MAMDC2: variants seen among roughly 807,000 people sequenced by gnomAD.
The protein encoded by MAMDC2 is MAM domain-containing protein 2.
A neutral mutation model predicts 89.8 loss-of-function variants in MAMDC2; 57 were observed. The observed-to-expected ratio is 0.63, with a 90% confidence interval of 0.51 to 0.79. MAMDC2 has a LOEUF of 0.79. MAMDC2 is among the 30% of genes least tolerant of loss of function. The pLI, the probability that MAMDC2 is intolerant of heterozygous loss-of-function variation, is 0.00. For synonymous variants in MAMDC2, 313 were observed against 293.4 expected (o/e 1.07, Z -0.68); for missense variants, 800 against 820.6 (o/e 0.97, Z 0.31).
chr9:70,218,729 G>C (rs2033497588), intron 12 of MAMDC2, 133 bp downstream of exon 12: 4 of 1,007,122 alleles, frequency 4.0e-6, no homozygotes, highest in Non-Finnish European at 5.5e-6. Context: ...TTAAGAGGGA[G>C]TAAACATAAT....
chr9:70,057,138 G>T (rs1797864042), intron 2 of MAMDC2, among the ~76,000 whole-genome samples: 1 of 152,100 alleles, frequency 6.6e-6, no homozygotes, highest in South Asian at 2.1e-4. Context: ...TGGGAAAATT[G>T]TCTCCCACAA....
intron 9 of MAMDC2, among the ~76,000 whole-genome samples, chr9:70,154,963 C>G (rs1273397185): frequency 6.6e-6 from 1 of 152,096 alleles, no homozygotes; most frequent in Non-Finnish European, 1.5e-5. Flanking sequence ...CAATCCTTTC[C>G]CTGCCCCACA....
chr9:70,116,556 C>T (rs10735584), intron 5 of MAMDC2, among the ~76,000 whole-genome samples: 132,771 of 152,094 alleles, frequency 0.87, 58,860 homozygotes, highest in East Asian at 1. Context: ...CTCTAAGATG[C>T]GTTTGAGTTC....
intron 11 of MAMDC2, among the ~76,000 whole-genome samples, chr9:70,182,537 G>C (rs1029692212): frequency 1.3e-5 from 2 of 152,246 alleles, no homozygotes; most frequent in East Asian, 3.9e-4. Flanking sequence ...TTCAGAACTT[G>C]TTATTGGTCT....
intron 2 of MAMDC2, among the ~76,000 whole-genome samples, chr9:70,074,673 C>T (rs1827489747): frequency 6.6e-6 from 1 of 152,180 alleles, no homozygotes; most frequent in African/African-American, 2.4e-5. Flanking sequence ...TTCACTGAGT[C>T]GCCAAAGTGA....
intron 2 of MAMDC2, among the ~76,000 whole-genome samples, chr9:70,104,629 A>G (rs937434550): frequency 3.3e-5 from 5 of 152,244 alleles, no homozygotes; most frequent in Admixed American, 2.6e-4. Context: ...AAATTCTAAT[A>G]TATGCTACAA....
intron 5 of MAMDC2, among the ~76,000 whole-genome samples, chr9:70,120,583 G>A (rs979284679): frequency 6.6e-6 from 1 of 152,162 alleles, no homozygotes; most frequent in African/African-American, 2.4e-5. Context: ...CATATGCACA[G>A]GCTACAAGGG....
intron 11 of MAMDC2, among the ~76,000 whole-genome samples, chr9:70,198,160 GTATA>G (rs755641073): frequency 0.011 from 579 of 51,138 alleles, 3 homozygotes; most frequent in African/African-American, 0.03. Flanking sequence ...GTGTATGTGT[GTATA>G]TATATATATA....
At chr9:70,160,794 T>C (rs978758436) in intron 9 of MAMDC2, among the ~76,000 whole-genome samples, 2 of 152,158 alleles carry the variant, frequency 1.3e-5, no homozygotes, top group African/African-American at 2.4e-5. Context: ...CCACAATCTA[T>C]GTAAGAGTCA....
At chr9:70,061,863 C>T (rs999431657) in intron 2 of MAMDC2, among the ~76,000 whole-genome samples, 2 of 152,114 alleles carry the variant, frequency 1.3e-5, no homozygotes, top group Admixed American at 1.3e-4. Flanking sequence ...ATTAAGTATC[C>T]AGTGAAATGC....
intron 11 of MAMDC2, among the ~76,000 whole-genome samples, chr9:70,204,421 C>G (rs2033173306): frequency 6.6e-6 from 1 of 151,494 alleles, no homozygotes; most frequent in African/African-American, 2.4e-5. Context: ...GTTCTCAGAT[C>G]TCCAGCTGCG....
At chr9:70,128,681 G>C (rs1047793465) in intron 6 of MAMDC2, among the ~76,000 whole-genome samples, 7 of 152,034 alleles carry the variant, frequency 4.6e-5, no homozygotes, top group African/African-American at 1.7e-4. Context: ...TTTTGAAACA[G>C]GGTCTCACTC....
chr9:70,163,109 T>C (rs1354126983), intron 9 of MAMDC2, among the ~76,000 whole-genome samples: 1 of 152,106 alleles, frequency 6.6e-6, no homozygotes, highest in Non-Finnish European at 1.5e-5. Context: ...AGCAGGAAAT[T>C]GGAACAATAA....
chr9:70,096,495 C>T (rs531440678), intron 2 of MAMDC2, among the ~76,000 whole-genome samples: 3 of 152,152 alleles, frequency 2.0e-5, no homozygotes, highest in Non-Finnish European at 4.4e-5. Flanking sequence ...GTCAGCCCCC[C>T]CTTTGAGGAG....
At chr9:70,073,244 A>C (rs752044999) in intron 2 of MAMDC2, among the ~76,000 whole-genome samples, 4 of 152,264 alleles carry the variant, frequency 2.6e-5, no homozygotes, top group Non-Finnish European at 5.9e-5. Context: ...AATATCTGAA[A>C]ATACGTGGTT....
intron 2 of MAMDC2, among the ~76,000 whole-genome samples, chr9:70,070,487 A>G (rs60836347): frequency 0.05 from 7,577 of 152,260 alleles, 555 homozygotes; most frequent in African/African-American, 0.16. Context: ...AACCCCACTC[A>G]CTGCAATGTA....
intron 2 of MAMDC2, among the ~76,000 whole-genome samples, chr9:70,103,976 C>T (rs370206501): frequency 4.7e-5 from 7 of 148,980 alleles, no homozygotes; most frequent in East Asian, 2.0e-4. Context: ...AGCAAGACTC[C>T]GTCTCCATTT....
At chr9:70,220,802 AC>A (rs553257897) in intron 12 of MAMDC2, among the ~76,000 whole-genome samples, 112 of 152,330 alleles carry the variant, frequency 7.4e-4, no homozygotes, top group African/African-American at 2.5e-3. Context: ...TTTTGGAGAT[AC>A]CTTTTACACT....
At chr9:70,180,740 A>G (rs1351362631) in intron 11 of MAMDC2, among the ~76,000 whole-genome samples, 1 of 152,070 alleles carries the variant, frequency 6.6e-6, no homozygotes, top group Non-Finnish European at 1.5e-5. Flanking sequence ...GTTTAAGTTC[A>G]CTGTACATTC....
Sources: allele counts gnomAD v4.1 joint callset (sites outside exome capture counted in the v4.1 genomes callset), GRCh38; gene constraint gnomAD v4.1.1; transcripts MANE v1.5; gene names NCBI Gene and HGNC (gene_info 2026-07-23, HGNC 2026-07-21).